Variants in FBXW11 observed in about 807,000 individuals in gnomAD.
FBXW11 encodes the protein F-box/WD repeat-containing protein 11.
Under a neutral mutation model 77.6 loss-of-function variants are expected in FBXW11, and 19 were observed. The observed-to-expected ratio is 0.24, with a 90% confidence interval of 0.17 to 0.36. The LOEUF (loss-of-function observed/expected upper bound fraction) is 0.36. FBXW11 is among the 10% of genes least tolerant of loss of function. The pLI, the probability that FBXW11 is intolerant of heterozygous loss-of-function variation, is 1.00. For missense variants in FBXW11, 334 were observed against 704.2 expected, an observed-to-expected ratio of 0.47 and a Z score of 5.95; for synonymous variants, 235 against 249.4, an observed-to-expected ratio of 0.94 and a Z score of 0.54.
At chr5:171,998,808 A>C (rs1174691965) in intron 1 of FBXW11, among the ~76,000 whole-genome samples, 1 of 151,910 alleles carries the variant, frequency 6.6e-6, no homozygotes, top group Non-Finnish European at 1.5e-5. Context: ...AAAAAAAAAA[A>C]AAAAAAAAGA....
intron 3 of FBXW11, among the ~76,000 whole-genome samples, chr5:171,913,962 T>C (rs1761066914): frequency 6.6e-6 from 1 of 150,448 alleles, no homozygotes; most frequent in Non-Finnish European, 1.5e-5. Context: ...GGCAAACCAA[T>C]GGAAATGGGA....
At chr5:171,967,795 C>T (rs990935124) in intron 1 of FBXW11, among the ~76,000 whole-genome samples, 5 of 147,660 alleles carry the variant, frequency 3.4e-5, no homozygotes, top group Admixed American at 1.3e-4. Context: ...GCCAAGATCA[C>T]GCCACTGCAC....
chr5:171,965,963 T>C (rs1440127202), intron 1 of FBXW11, among the ~76,000 whole-genome samples: 1 of 152,162 alleles, frequency 6.6e-6, no homozygotes, highest in Non-Finnish European at 1.5e-5. Flanking sequence ...TTTGAACATG[T>C]GTGGAACTTC....
At chr5:171,983,976 T>C (rs564454413) in intron 1 of FBXW11, among the ~76,000 whole-genome samples, 8 of 151,270 alleles carry the variant, frequency 5.3e-5, no homozygotes, top group Non-Finnish European at 4.4e-5. Flanking sequence ...AATGGAATAA[T>C]GCATAGAAAA....
intron 2 of FBXW11, among the ~76,000 whole-genome samples, chr5:171,920,999 T>C (rs1761561071): frequency 6.6e-6 from 1 of 152,218 alleles, no homozygotes; most frequent in African/African-American, 2.4e-5. Flanking sequence ...CCCACAATAT[T>C]GTGACTTGAA....
rs1760011659 is a variant in FBXW11 at position 171,900,093 on chromosome 5, G to A, written c.444C>T (p.Gly148=). 2 of 1,610,204 alleles carry A rather than the reference G, an allele frequency of 1.2e-6. No individual in the cohort carries two copies. Among genetic ancestry groups the A allele is most frequent in the Non-Finnish European group, 1.7e-6 (2 of 1,177,682 alleles). ...GAATGTTTTCTGCTATGTGATCTAA[G>A]CCTTGCTCTACAAAACAGAAAAGGG... ...RDFITALPEQ[G]LDHIAENILS... is the part of the protein sequence containing the mutation. Residue 148 remains glycine (G), a synonymous_variant, in exon 5 of 14, where the codon GGC becomes GGT. Coordinates refer to ENST00000517395, the MANE Select transcript of FBXW11 (RefSeq NM_001378974.1).
chr5:171,971,558 T>C (rs529351407), intron 1 of FBXW11, among the ~76,000 whole-genome samples: 2 of 152,338 alleles, frequency 1.3e-5, no homozygotes, highest in East Asian at 3.9e-4. Flanking sequence ...AAATCCTTTT[T>C]CTGAAATAAA....
intron 2 of FBXW11, among the ~76,000 whole-genome samples, chr5:171,937,139 T>C (rs1762520246): frequency 6.6e-6 from 1 of 152,242 alleles, no homozygotes; most frequent in Admixed American, 6.5e-5. Context: ...TTCTCCCTAA[T>C]TTATAAGTTT....
intron 13 of FBXW11, among the ~76,000 whole-genome samples, chr5:171,864,635 CT>C (rs1474901936): frequency 6.6e-6 from 1 of 152,082 alleles, no homozygotes; most frequent in Admixed American, 6.5e-5. Context: ...AAATTACTTC[CT>C]TTTTAATAAG....
chr5:171,959,453 A>G (rs534713054), intron 1 of FBXW11, among the ~76,000 whole-genome samples: 1 of 152,288 alleles, frequency 6.6e-6, no homozygotes, highest in Admixed American at 6.5e-5. Flanking sequence ...GAGGAAACTG[A>G]TGATCAGGAA....
chr5:171,886,137 A>G (rs2113820210), intron 7 of FBXW11, among the ~76,000 whole-genome samples: 1 of 152,328 alleles, frequency 6.6e-6, no homozygotes, highest in East Asian at 1.9e-4. Context: ...TTAAAGAAAA[A>G]CTACCAGTAT....
At chr5:171,888,825 A>G (rs1759095537) in intron 7 of FBXW11, among the ~76,000 whole-genome samples, 1 of 152,204 alleles carries the variant, frequency 6.6e-6, no homozygotes, top group Non-Finnish European at 1.5e-5. Context: ...GTAAATAAAA[A>G]AGAGAGAATT....
Position 171,962,660 on chromosome 5 carries a change from T to G in FBXW11, c.46-4962A>C, listed in dbSNP as rs78609520. Among the ~76,000 whole-genome samples, 1,463 of 152,198 alleles carry G rather than the reference T, an allele frequency of 9.6e-3. 25 individuals are homozygous for G. Among genetic ancestry groups the G allele is most frequent in the African/African-American group, 0.033 (1,388 of 41,508 alleles). On this transcript the variant is annotated intron_variant, in intron 1 of 13. Coordinates refer to ENST00000517395, the MANE Select transcript of FBXW11 (RefSeq NM_001378974.1). ...TTGGCATTTTTCAAAAGCAAAAAGTTTATTAAAAGAGGTAGGAGAAAAATG... is the reference window on the plus strand; with the variant it reads ...TTGGCATTTTTCAAAAGCAAAAAGTGTATTAAAAGAGGTAGGAGAAAAATG...
At chr5:171,965,487 T>C (rs1243951024) in intron 1 of FBXW11, among the ~76,000 whole-genome samples, 4 of 151,308 alleles carry the variant, frequency 2.6e-5, no homozygotes, top group South Asian at 2.1e-4. Context: ...GATCATGCCA[T>C]TGTACTCCAG....
chr5:171,996,877 G>A (rs1202859837), intron 1 of FBXW11: 1 of 1,277,546 alleles, frequency 7.8e-7, no homozygotes, highest in Non-Finnish European at 1.0e-6. Flanking sequence ...AACAATACAG[G>A]GTAATTGCTT....
intron 1 of FBXW11, among the ~76,000 whole-genome samples, chr5:171,967,057 G>A (rs898346952): frequency 1.6e-4 from 24 of 152,196 alleles, no homozygotes; most frequent in African/African-American, 5.5e-4. Flanking sequence ...TCCTTTACCT[G>A]ACATTAAACT....
chr5:171,910,562 G>C lies in FBXW11; in HGVS notation c.436+10C>G. The C allele has an allele frequency of 1.2e-6, 2 of 1,606,072 alleles. No individual in the cohort carries two copies. The highest frequency in any genetic ancestry group is 1.7e-6 in the Non-Finnish European group (2 of 1,174,598). On this transcript the variant is annotated intron_variant, in intron 4 of 13. Coordinates refer to ENST00000517395, the MANE Select transcript of FBXW11 (RefSeq NM_001378974.1). ...AACTGCTCAGCTTTTGAAAAGACAA[G>C]TACAGTTACCTGGTAAAGCGGTAAT...
Position 172,000,519 on chromosome 5 carries a change from T to C in FBXW11, c.45+5939A>G, listed in dbSNP as rs1337255291. Among the ~76,000 whole-genome samples, 3 of 152,238 alleles carry C rather than the reference T, an allele frequency of 2.0e-5. No homozygotes were observed. The East Asian group carries it at 5.8e-4, about 29-fold the overall frequency. On this transcript the variant is annotated intron_variant, in intron 1 of 13. Coordinates refer to ENST00000517395, the MANE Select transcript of FBXW11 (RefSeq NM_001378974.1). The stretch of plus-strand genomic sequence containing the variant: ...TCCCAAAGATGGCTCATTAAATGTA[T>C]GGCTAAAAGCAACTAAATGTTAGTC...
intron 1 of FBXW11, among the ~76,000 whole-genome samples, chr5:171,972,280 C>A (rs1247201309): frequency 6.6e-6 from 1 of 151,414 alleles, no homozygotes; most frequent in Non-Finnish European, 1.5e-5. Flanking sequence ...GAGTTTGAGA[C>A]CAGCCTGGTC....
Sources: allele counts gnomAD v4.1 joint callset (sites outside exome capture counted in the v4.1 genomes callset), GRCh38; gene constraint gnomAD v4.1.1; transcripts MANE v1.5; gene names NCBI Gene and HGNC (gene_info 2026-07-23, HGNC 2026-07-21).